MAGEB10: variants seen among roughly 807,000 people sequenced by gnomAD.
MAGEB10 encodes melanoma-associated antigen B10.
For missense variants in MAGEB10, 190 were observed against 261.9 expected, an observed-to-expected ratio of 0.73 and a Z score of 1.89; for synonymous variants, 99 against 101.0, an observed-to-expected ratio of 0.98 and a Z score of 0.12.
intron 1 of MAGEB10, among the ~76,000 whole-genome samples, chrX:27,814,549 C>T (rs1602863235): frequency 1.8e-5 from 2 of 111,916 alleles, no homozygotes; most frequent in Non-Finnish European, 3.8e-5. Flanking sequence ...TATTTTCGGA[C>T]ATCTCTTGCT....
chrX:27,810,913 G>C (rs1923668331), intron 1 of MAGEB10, among the ~76,000 whole-genome samples: 2 of 110,342 alleles, frequency 1.8e-5, no homozygotes, highest in Admixed American at 1.9e-4. Context: ...AGTGAGGACT[G>C]ATGGGGCTAG....
At chrX:27,808,396 A>G (rs1433710386) in intron 1 of MAGEB10, among the ~76,000 whole-genome samples, 2 of 110,023 alleles carry the variant, frequency 1.8e-5, no homozygotes, top group East Asian at 3.0e-4. Flanking sequence ...GTCACGCCAC[A>G]CCGCCCTTGC....
chrX:27,817,546 T>G lies in MAGEB10; in HGVS notation c.-198-8T>G, dbSNP rs919182579. 2 of 110,146 alleles carry G rather than the reference T, an allele frequency of 1.8e-5. No homozygotes were observed. Among genetic ancestry groups the G allele is most frequent in the Non-Finnish European group, 3.8e-5 (2 of 52,846 alleles). 9.1% of individuals were successfully genotyped at this position (110,146 alleles called of 1,213,427 possible). Reference sequence around the variant, plus strand: ...CTTAATTTTTATTTACTTATTTATTTCTTTTAGAGACGGTGCCTCGCTCTG... The same window carrying G: ...CTTAATTTTTATTTACTTATTTATTGCTTTTAGAGACGGTGCCTCGCTCTG... On this transcript the variant is annotated splice_polypyrimidine_tract_variant and splice_region_variant and intron_variant, in intron 1 of 2. Transcript: ENST00000356790.
chrX:27,809,800 G>A (rs1923641383), intron 1 of MAGEB10, among the ~76,000 whole-genome samples: 1 of 101,833 alleles, frequency 9.8e-6, no homozygotes, highest in Admixed American at 1.1e-4. Context: ...CTAGGGGATT[G>A]TAAATACACC....
At chrX:27,815,025 A>G (rs931459626) in intron 1 of MAGEB10, among the ~76,000 whole-genome samples, 1 of 111,849 alleles carries the variant, frequency 8.9e-6, no homozygotes, top group Non-Finnish European at 1.9e-5. Context: ...CGTAGGGTCC[A>G]TCCACCCCTA....
chrX:27,821,179 T>C, intron 2 of MAGEB10, 79 bp from the exon 3 acceptor site: 1 of 560,952 alleles, frequency 1.8e-6, no homozygotes, highest in Non-Finnish European at 2.8e-6. Context: ...AAGAAAACTT[T>C]CAGAGGTGGC....
At chrX:27,811,148 C>T (rs775101714) in intron 1 of MAGEB10, among the ~76,000 whole-genome samples, 3 of 109,812 alleles carry the variant, frequency 2.7e-5, no homozygotes, top group South Asian at 8.0e-4. Flanking sequence ...ATTCATAGAG[C>T]CCTAAGAGTG....
chrX:27,822,111 C>T lies in MAGEB10; in HGVS notation c.805C>T (p.Pro269Ser). Residue 269 changes from proline (P) to serine (S), a missense_variant, in exon 3 of 3, where the codon CCA becomes TCA. Coordinates refer to ENST00000356790, the MANE Select transcript of MAGEB10 (RefSeq NM_182506.3). ...EYQQVPNSDP[P>S]RYQFLWGPRA... ...CCAGCAAGTGCCCAACAGTGATCCT[C>T]CACGCTATCAATTCCTATGGGGCCC... is the stretch of plus-strand genomic sequence containing the variant. The T allele has an allele frequency of 8.3e-7, 1 of 1,211,985 alleles. No homozygotes were observed. Among genetic ancestry groups the T allele is most frequent in the Non-Finnish European group, 1.1e-6 (1 of 895,553 alleles).
chrX:27,818,594 CA>C (rs980734357), intron 2 of MAGEB10, among the ~76,000 whole-genome samples: 2 of 112,102 alleles, frequency 1.8e-5, no homozygotes, highest in African/African-American at 6.5e-5. Flanking sequence ...TTCCTAACAT[CA>C]CTGACTTCTT....
At chrX:27,820,715 C>T (rs1184678553) in intron 2 of MAGEB10, among the ~76,000 whole-genome samples, 1 of 110,785 alleles carries the variant, frequency 9.0e-6, no homozygotes, top group Non-Finnish European at 1.9e-5. Context: ...GGGTGAAGTC[C>T]CAGGGCCTAG....
At chrX:27,820,709 G>A (rs937800000) in intron 2 of MAGEB10, among the ~76,000 whole-genome samples, 1 of 111,181 alleles carries the variant, frequency 9.0e-6, no homozygotes, top group Non-Finnish European at 1.9e-5. Context: ...ATCACAGGGT[G>A]AAGTCCCAGG....
intron 1 of MAGEB10, chrX:27,812,154 GA>G (rs1569211725): frequency 8.5e-6 from 1 of 117,219 alleles, no homozygotes; most frequent in African/African-American, 3.2e-5. Flanking sequence ...CCAAGTTGAG[GA>G]AAGGTCAAAT....
rs1923879762 is a variant in MAGEB10 at position 27,821,273 on chromosome X, G to T, written c.-34G>T. On this transcript the variant is annotated 5_prime_UTR_variant, in exon 3 of 3. Coordinates refer to ENST00000356790, the MANE Select transcript of MAGEB10 (RefSeq NM_182506.3). ...TCTTCTCCAGGTCACGGGATCACCT[G>T]CCTTTTTGGCTGCTGCACCTGAACA... 1 of 1,152,640 alleles carries T rather than the reference G, an allele frequency of 8.7e-7. No homozygotes were observed. Among genetic ancestry groups the T allele is most frequent in the Non-Finnish European group, 1.2e-6 (1 of 850,508 alleles). The allele number at this position is 1,152,640 out of a possible 1,213,427, so 95.0% of individuals were successfully genotyped here.
intron 2 of MAGEB10, among the ~76,000 whole-genome samples, chrX:27,820,423 A>C: frequency 9.0e-6 from 1 of 111,074 alleles, no homozygotes; most frequent in South Asian, 3.9e-4. Context: ...CACCCTCTGA[A>C]TTCTGGTGAG....
chrX:27,819,627 G>A (rs1923845878), intron 2 of MAGEB10, among the ~76,000 whole-genome samples: 1 of 111,226 alleles, frequency 9.0e-6, no homozygotes, highest in Non-Finnish European at 1.9e-5. Context: ...ATCCTGGGAG[G>A]TGACAGCATT....
At chrX:27,818,279 G>T (rs769720002) in intron 2 of MAGEB10, among the ~76,000 whole-genome samples, 7 of 111,087 alleles carry the variant, frequency 6.3e-5, no homozygotes, top group Non-Finnish European at 9.4e-5. Flanking sequence ...GTGTAGCAGG[G>T]TTGAGAGCTG....
intron 1 of MAGEB10, among the ~76,000 whole-genome samples, chrX:27,808,664 C>T (rs1315564263): frequency 2.7e-5 from 3 of 111,809 alleles, no homozygotes; most frequent in Non-Finnish European, 5.6e-5. Context: ...TCTTGGGTAT[C>T]GCACTCTGCA....
In MAGEB10 at chrX:27,821,992, C is replaced by T. The variant is rs761828309; in HGVS notation, c.686C>T (p.Thr229Met). The T allele has an allele frequency of 8.3e-6, 10 of 1,209,832 alleles. No homozygotes were observed. In the Admixed American group the frequency reaches 1.3e-4, roughly 16 times the overall value. Residue 229 changes from threonine to methionine, a missense_variant, in exon 3 of 3, where the codon ACG becomes ATG. By Grantham distance (81) the Thr-to-Met change is moderately conservative. Coordinates refer to ENST00000356790, the MANE Select transcript of MAGEB10 (RefSeq NM_182506.3). ...AEEEVWKVFN[T>M]MGLYDGIEHF... ...GAGGAAGTCTGGAAAGTGTTTAACA[C>T]GATGGGGTTATATGACGGAATTGAG...
chrX:27,810,498 A>T (rs1923657688), intron 1 of MAGEB10, among the ~76,000 whole-genome samples: 1 of 111,552 alleles, frequency 9.0e-6, no homozygotes, highest in South Asian at 3.8e-4. Context: ...GCTTCCCATA[A>T]AGATGGCGGC....
Sources: gnomAD v4.1 joint callset for allele counts (sites outside exome capture counted in the v4.1 genomes callset) on GRCh38, gnomAD v4.1.1 for gene constraint, MANE v1.5 for transcripts, NCBI Gene and HGNC (gene_info 2026-07-23, HGNC 2026-07-21) for gene names.